DYM: variants seen among roughly 807,000 people sequenced by gnomAD.
DYM encodes dymeclin.
DYM carries 78 observed loss-of-function variants against 93.1 expected under a neutral mutation model. That is an observed-to-expected ratio of 0.84 (90% confidence interval 0.70 to 1.01). The LOEUF (loss-of-function observed/expected upper bound fraction) is 1.01. DYM is among the 50% of genes least tolerant of loss of function. DYM has a pLI of 0.00. For synonymous variants in DYM, 321 were observed against 319.7 expected, an observed-to-expected ratio of 1.00 and a Z score of -0.04; for missense variants, 789 against 845.0, an observed-to-expected ratio of 0.93 and a Z score of 0.82.
At chr18:49,142,336 C>T (rs938786041) in intron 15 of DYM, among the ~76,000 whole-genome samples, 5 of 152,132 alleles carry the variant, frequency 3.3e-5, no homozygotes, top group Non-Finnish European at 7.3e-5. Context: ...GTAACTTCCT[C>T]ACTGTCACAT....
intron 13 of DYM, among the ~76,000 whole-genome samples, chr18:49,210,599 T>C (rs572989888): frequency 6.6e-6 from 1 of 152,316 alleles, no homozygotes; most frequent in East Asian, 1.9e-4. Context: ...ACAGTGAAGC[T>C]ACTGTATTAC....
intron 8 of DYM, among the ~76,000 whole-genome samples, chr18:49,324,368 A>G (rs1171456035): frequency 6.6e-6 from 1 of 152,178 alleles, no homozygotes; most frequent in Non-Finnish European, 1.5e-5. Context: ...AATTTTATAA[A>G]CAAACTGTCA....
intron 12 of DYM, among the ~76,000 whole-genome samples, chr18:49,258,159 C>T (rs2094424725): frequency 6.6e-6 from 1 of 152,114 alleles, no homozygotes; most frequent in African/African-American, 2.4e-5. Context: ...TTTTGCATTG[C>T]TTGTTTTCTA....
intron 1 of DYM, chr18:49,447,385 G>C (rs145152550): frequency 6.6e-6 from 1 of 152,160 alleles, no homozygotes; most frequent in East Asian, 1.9e-4. Flanking sequence ...ATTCTTTCTC[G>C]GCAGGCAACA....
At chr18:49,260,179 A>G (rs2094467423) in intron 11 of DYM, among the ~76,000 whole-genome samples, 2 of 152,220 alleles carry the variant, frequency 1.3e-5, no homozygotes, top group African/African-American at 2.4e-5. Flanking sequence ...GTCCAAGGCC[A>G]GGAGTTCAAG....
At chr18:49,358,480 T>G (rs1239905247) in intron 6 of DYM, among the ~76,000 whole-genome samples, 4 of 152,030 alleles carry the variant, frequency 2.6e-5, no homozygotes, top group Non-Finnish European at 5.9e-5. Context: ...CACAAATAGA[T>G]ACACACTCCC....
intron 14 of DYM, among the ~76,000 whole-genome samples, chr18:49,196,824 A>T (rs1432000688): frequency 6.6e-6 from 1 of 152,144 alleles, no homozygotes; most frequent in East Asian, 1.9e-4. Flanking sequence ...TGGATCGGGA[A>T]TTAGGGGTGA....
intron 14 of DYM, among the ~76,000 whole-genome samples, chr18:49,207,875 A>T (rs893166547): frequency 4.6e-5 from 7 of 152,102 alleles, no homozygotes; most frequent in African/African-American, 1.7e-4. Flanking sequence ...GAGTCCGATG[A>T]TACACTAGTA....
chr18:49,196,084 C>T (rs2091425148), intron 14 of DYM, among the ~76,000 whole-genome samples: 1 of 151,934 alleles, frequency 6.6e-6, no homozygotes, highest in South Asian at 2.1e-4. Flanking sequence ...ACCACCACAC[C>T]CGGCTAATGT....
chr18:49,326,373 A>G (rs1336581126), intron 8 of DYM, among the ~76,000 whole-genome samples: 2 of 152,076 alleles, frequency 1.3e-5, no homozygotes, highest in Admixed American at 6.6e-5. Flanking sequence ...CTTTGCTTGC[A>G]CCTAGCATAG....
chr18:49,237,903 C>CTTTTTTT (rs112395450), intron 13 of DYM, among the ~76,000 whole-genome samples: 1 of 144,916 alleles, frequency 6.9e-6, no homozygotes, highest in Non-Finnish European at 1.5e-5. Flanking sequence ...GTACCTTACT[C>CTTTTTTT]TTTTTTTTTT....
chr18:49,249,558 T>C (rs1048724566), intron 13 of DYM, among the ~76,000 whole-genome samples: 1 of 152,140 alleles, frequency 6.6e-6, no homozygotes, highest in Non-Finnish European at 1.5e-5. Flanking sequence ...TGGGGGCAAA[T>C]TGTCTTTCTT....
chr18:49,384,551 A>AG (rs2068388314), intron 3 of DYM, among the ~76,000 whole-genome samples: 1 of 148,440 alleles, frequency 6.7e-6, no homozygotes, highest in African/African-American at 2.5e-5. Flanking sequence ...GCTTGAACCC[A>AG]GGAAGTGAAG....
At position 49,202,886 on chromosome 18, in the gene DYM, C is replaced by T. The variant is rs1170492002; in HGVS notation, c.1625+6665G>A. ...GAGCGTCTCCGCCCGGCAGCCACCC[C>T]GTCCGGGAGGGAGGTTGGGGGGGGT... On this transcript the variant is annotated intron_variant, in intron 14 of 17. Coordinates refer to ENST00000675505, the MANE Select transcript of DYM (RefSeq NM_001353214.3). Among the ~76,000 whole-genome samples the T allele has an allele frequency of 6.2e-5, 7 of 112,796 alleles. 1 individual carries two copies. In the South Asian group the frequency reaches 1.1e-3, roughly 18 times the overall value. The allele number at this position is 112,796 out of a possible 152,430, so 74.0% of individuals were successfully genotyped here. A position where few individuals can be genotyped will look rare whatever the true frequency, so the allele number is the denominator to read the frequency against.
intron 2 of DYM, among the ~76,000 whole-genome samples, chr18:49,423,601 C>A (rs2073959656): frequency 1.3e-5 from 2 of 152,098 alleles, no homozygotes; most frequent in South Asian, 4.1e-4. Context: ...ATCAGTGAAT[C>A]CAGGAGCTGG....
At chr18:49,372,694 G>T (rs567200404) in intron 5 of DYM, among the ~76,000 whole-genome samples, 1 of 152,068 alleles carries the variant, frequency 6.6e-6, no homozygotes. Flanking sequence ...GCAGTGAGCC[G>T]AGATTGCACC....
At chr18:49,175,091 G>A (rs992563042) in intron 14 of DYM, among the ~76,000 whole-genome samples, 1 of 151,954 alleles carries the variant, frequency 6.6e-6, no homozygotes, top group African/African-American at 2.4e-5. Flanking sequence ...TTCAATATGC[G>A]GCTTCATAGT....
chr18:49,135,978 G>A (rs2083808974), intron 15 of DYM, among the ~76,000 whole-genome samples: 1 of 152,224 alleles, frequency 6.6e-6, no homozygotes, highest in Non-Finnish European at 1.5e-5. Context: ...GTTGTCTAAT[G>A]AATGGCATCA....
At chr18:49,122,645 A>G (rs1316868945) in intron 15 of DYM, among the ~76,000 whole-genome samples, 4 of 152,252 alleles carry the variant, frequency 2.6e-5, no homozygotes. Flanking sequence ...TAATAGAAAC[A>G]AAGTGCACAA....
Sources: gnomAD v4.1 joint callset for allele counts (sites outside exome capture counted in the v4.1 genomes callset) on GRCh38, gnomAD v4.1.1 for gene constraint, MANE v1.5 for transcripts, NCBI Gene and HGNC (gene_info 2026-07-23, HGNC 2026-07-21) for gene names.